Variants in BRINP3 observed in about 807,000 individuals in gnomAD.
The protein encoded by BRINP3 is BMP/retinoic acid-inducible neural-specific protein 3.
A neutral mutation model predicts 71.0 loss-of-function variants in BRINP3; 19 were observed. The ratio of observed to expected loss-of-function variants is 0.27; its 90% confidence interval spans 0.19 to 0.39. The LOEUF (loss-of-function observed/expected upper bound fraction) is 0.39, where lower values mean the gene tolerates loss of function less well. Ranked by LOEUF, BRINP3 falls within the 10% of genes least tolerant of loss-of-function variation. The pLI, the probability that BRINP3 is intolerant of heterozygous loss-of-function variation, is 1.00. For synonymous variants in BRINP3, 380 were observed against 337.7 expected (o/e 1.13, Z -1.37); for missense variants, 959 against 940.8 (o/e 1.02, Z -0.25).
chr1:190,196,048 T>C (rs1298017474), intron 6 of BRINP3, among the ~76,000 whole-genome samples: 1 of 152,148 alleles, frequency 6.6e-6, no homozygotes, highest in African/African-American at 2.4e-5. Flanking sequence ...ATAGAAGCTG[T>C]CCTATTTTCT....
chr1:190,465,034 C>G (rs969477278), intron 1 of BRINP3, among the ~76,000 whole-genome samples: 1 of 151,964 alleles, frequency 6.6e-6, no homozygotes, highest in African/African-American at 2.4e-5. Flanking sequence ...AATGGTAGAA[C>G]TGATTAGAAG....
At chr1:190,287,097 T>C (rs1663488532) in intron 2 of BRINP3, among the ~76,000 whole-genome samples, 1 of 150,514 alleles carries the variant, frequency 6.6e-6, no homozygotes, top group South Asian at 2.1e-4. Flanking sequence ...TGTGGTGGTG[T>C]GTGCCTGTAA....
At chr1:190,475,031 A>G (rs190902159) in intron 1 of BRINP3, among the ~76,000 whole-genome samples, 1 of 152,098 alleles carries the variant, frequency 6.6e-6, no homozygotes, top group East Asian at 1.9e-4. Flanking sequence ...TTTTAACTTC[A>G]ACCTTATATT....
At chr1:190,334,562 A>C (rs1667168260) in intron 2 of BRINP3, among the ~76,000 whole-genome samples, 1 of 151,740 alleles carries the variant, frequency 6.6e-6, no homozygotes. Context: ...GATTATATTC[A>C]CTATATATCT....
rs762281135 is a variant in BRINP3 at position 190,099,019 on chromosome 1, C to T, written c.1300G>A (p.Val434Ile). 1 of 1,614,172 alleles carries T rather than the reference C, an allele frequency of 6.2e-7. No homozygotes were observed. Among genetic ancestry groups the T allele is most frequent in the Non-Finnish European group, 8.5e-7 (1 of 1,180,036 alleles). The change falls in exon 8 of 8, where the codon GTC becomes ATC. Residue 434 changes from valine to isoleucine, a missense_variant. Transcript: ENST00000367462. ...GTGCAGGGCAGGAACGCGGTGCAGACCACCTGGTCATTCGGACACGTGCAC... is the reference window on the plus strand; with the variant it reads ...GTGCAGGGCAGGAACGCGGTGCAGATCACCTGGTCATTCGGACACGTGCAC... ...HSCTCPNDQV[V>I]CTAFLPCTVG...
intron 7 of BRINP3, among the ~76,000 whole-genome samples, chr1:190,122,323 C>A (rs1653735247): frequency 6.6e-6 from 1 of 151,988 alleles, no homozygotes; most frequent in Admixed American, 6.6e-5. Context: ...CATGTTCATT[C>A]AGAATCTCAG....
At chr1:190,316,091 T>A (rs1451634415) in intron 2 of BRINP3, among the ~76,000 whole-genome samples, 1 of 140,836 alleles carries the variant, frequency 7.1e-6, no homozygotes, top group East Asian at 2.2e-4. Flanking sequence ...GTCAGCAACG[T>A]GGGGCCCAGA....
chr1:190,406,756 A>C (rs1416164551), intron 2 of BRINP3, among the ~76,000 whole-genome samples: 1 of 152,176 alleles, frequency 6.6e-6, no homozygotes, highest in Admixed American at 6.5e-5. Context: ...AAGCCCAAAT[A>C]ATTGACCTAA....
At chr1:190,317,833 A>T (rs1053780449) in intron 2 of BRINP3, among the ~76,000 whole-genome samples, 1 of 152,120 alleles carries the variant, frequency 6.6e-6, no homozygotes, top group Non-Finnish European at 1.5e-5. Context: ...TTGAATGAGT[A>T]GAATTGTTCA....
At chr1:190,107,138 C>T (rs972982799) in intron 7 of BRINP3, among the ~76,000 whole-genome samples, 1 of 151,950 alleles carries the variant, frequency 6.6e-6, no homozygotes, top group Non-Finnish European at 1.5e-5. Flanking sequence ...CCAAGCTAAT[C>T]TACTTAAATT....
intron 2 of BRINP3, among the ~76,000 whole-genome samples, chr1:190,412,475 T>G (rs369915996): frequency 0.16 from 22,956 of 142,462 alleles, 2,040 homozygotes; most frequent in Middle Eastern, 0.21. Flanking sequence ...TGTTTTTTTT[T>G]TTTTTGAGAC....
chr1:190,221,923 A>G (rs553988443), intron 6 of BRINP3, among the ~76,000 whole-genome samples: 1 of 152,246 alleles, frequency 6.6e-6, no homozygotes, highest in South Asian at 2.1e-4. Flanking sequence ...TAAAGCACAC[A>G]TTAGTAGAGC....
At chr1:190,453,999 T>A (rs2102625813) in intron 2 of BRINP3, among the ~76,000 whole-genome samples, 1 of 152,318 alleles carries the variant, frequency 6.6e-6, no homozygotes, top group Non-Finnish European at 1.5e-5. Context: ...ACTTAATGTA[T>A]TCACGGGACA....
At chr1:190,378,758 C>T (rs1320508863) in intron 2 of BRINP3, among the ~76,000 whole-genome samples, 1 of 151,940 alleles carries the variant, frequency 6.6e-6, no homozygotes, top group South Asian at 2.1e-4. Context: ...AATAATGGTC[C>T]CCTCCAATGC....
chr1:190,227,331 G>A (rs899503244), intron 5 of BRINP3, among the ~76,000 whole-genome samples: 1 of 151,608 alleles, frequency 6.6e-6, no homozygotes, highest in African/African-American at 2.4e-5. Context: ...CAAATATGTT[G>A]ACAAATTGCA....
chr1:190,300,690 A>C (rs996125133), intron 2 of BRINP3, among the ~76,000 whole-genome samples: 1 of 152,120 alleles, frequency 6.6e-6, no homozygotes, highest in Admixed American at 6.6e-5. Flanking sequence ...ACGGCCAGGT[A>C]GTCCAACAGA....
chr1:190,448,350 C>T (rs1029921450), intron 2 of BRINP3, among the ~76,000 whole-genome samples: 5 of 150,982 alleles, frequency 3.3e-5, no homozygotes, highest in African/African-American at 7.3e-5. Context: ...ATTGCATGAC[C>T]GTATTTAAGA....
chr1:190,259,237 C>T (rs1047525532), intron 4 of BRINP3, among the ~76,000 whole-genome samples: 23 of 150,366 alleles, frequency 1.5e-4, no homozygotes, highest in Non-Finnish European at 3.1e-4. Context: ...CATACCAATC[C>T]TCAGCAAACT....
intron 2 of BRINP3, among the ~76,000 whole-genome samples, chr1:190,405,516 C>T (rs1672227049): frequency 8.4e-6 from 1 of 118,544 alleles, no homozygotes; most frequent in African/African-American, 3.1e-5. Flanking sequence ...CGTGACATAT[C>T]ATTTTGTAGC....
Sources: gnomAD v4.1 joint callset for allele counts (sites outside exome capture counted in the v4.1 genomes callset) on GRCh38, gnomAD v4.1.1 for gene constraint, MANE v1.5 for transcripts, NCBI Gene and HGNC (gene_info 2026-07-23, HGNC 2026-07-21) for gene names.